POM121: variants seen among roughly 807,000 people sequenced by gnomAD.
POM121 encodes the protein POM121 transmembrane nucleoporin.
POM121 carries 32 observed loss-of-function variants against 81.3 expected under a neutral mutation model. The ratio of observed to expected loss-of-function variants is 0.39; its 90% CI spans 0.30 to 0.53. The LOEUF is 0.53. POM121 is among the 20% of genes least tolerant of loss of function. POM121 has a pLI of 0.66. For synonymous variants in POM121, 514 were observed against 694.2 expected (o/e 0.74, Z 4.08); for missense variants, 1,138 against 1,614.6 (o/e 0.70, Z 5.06).
In POM121 at chr7:72,939,373, C is replaced by G. The variant is rs1796837708; in HGVS notation, c.1405C>G (p.Pro469Ala). 3 of 1,613,920 alleles carry G rather than the reference C, an allele frequency of 1.9e-6. No individual in the cohort carries two copies. The highest frequency in any genetic ancestry group is 8.5e-7 in the Non-Finnish European group (1 of 1,179,856). ...GTGTCATCATTCCAGTTCTTCAACT[C>G]CATTGGCAGCAGACAGGGAGTCCCA... Reference protein sequence around the residue: ...ELCHHSSSSTPLAADRESQGE... With the variant: ...ELCHHSSSSTALAADRESQGE... Residue 469 changes from proline (P) to alanine (A), a missense_variant, in exon 7 of 13, where the codon CCA becomes GCA. This residue lies in a region of POM121 where 646 missense variants were observed against 633.5 expected (regional missense o/e 1.02). Transcript: ENST00000434423.
intron 3 of POM121, among the ~76,000 whole-genome samples, chr7:72,911,452 C>T (rs1208768839): frequency 1.3e-5 from 2 of 152,322 alleles, no homozygotes. Context: ...ATTTTGCTTC[C>T]GTGTGATGAA....
chr7:72,918,988 A>G (rs1794551157), intron 4 of POM121, among the ~76,000 whole-genome samples: 1 of 151,992 alleles, frequency 6.6e-6, no homozygotes, highest in South Asian at 2.1e-4. Context: ...TTTGGTAGAG[A>G]CAGGGTTTCA....
At chr7:72,949,778 G>T, downstream of POM121, 2 of 938,710 alleles carry the variant, frequency 2.1e-6, no homozygotes, top group Non-Finnish European at 1.8e-6. Context: ...CATCCTTTCA[G>T]CCTTCATTAC....
chr7:72,948,138 G>A lies in POM121; in HGVS notation c.*1904G>A, dbSNP rs1232544988. The A allele has an allele frequency of 7.1e-7, 1 of 1,413,756 alleles. No individual in the cohort carries two copies. The highest frequency in any genetic ancestry group is 1.5e-5 in the African/African-American group (1 of 68,686). 87.6% of individuals were successfully genotyped at this position (1,413,756 alleles called of 1,614,324 possible). On this transcript the variant is annotated 3_prime_UTR_variant, in exon 13 of 13. Coordinates refer to ENST00000434423, the MANE Select transcript of POM121 (RefSeq NM_001387691.1). The stretch of plus-strand genomic sequence containing the variant: ...CCGGGAACCCTGAGTGAGAATGAGT[G>A]TGGATGTGTACAGTACACGCACTGG...
chr7:72,928,279 T>A, intron 3 of POM121, 106 bp from the exon 4 acceptor site: 2 of 1,447,802 alleles, frequency 1.4e-6, no homozygotes, highest in Non-Finnish European at 1.9e-6. Flanking sequence ...TATCATGGAA[T>A]CTGTGCTCCA....
At chr7:72,883,978 T>C (rs1790422598) in intron 1 of POM121, among the ~76,000 whole-genome samples, 1 of 152,120 alleles carries the variant, frequency 6.6e-6, no homozygotes, top group Non-Finnish European at 1.5e-5. Context: ...CATTTATGGC[T>C]CACTGCAGCC....
intron 3 of POM121, among the ~76,000 whole-genome samples, chr7:72,901,121 G>A (rs1302579988): frequency 2.0e-5 from 3 of 151,486 alleles, no homozygotes; most frequent in Non-Finnish European, 4.4e-5. Context: ...AAATACTTGG[G>A]ACTACAGGTA....
At chr7:72,917,992 CAA>C (rs1411722112) in intron 4 of POM121, among the ~76,000 whole-genome samples, 7 of 152,072 alleles carry the variant, frequency 4.6e-5, no homozygotes, top group Admixed American at 4.6e-4. Flanking sequence ...AGAGAGGAGA[CAA>C]AGAGAAAGAT....
intron 1 of POM121, among the ~76,000 whole-genome samples, chr7:72,880,175 C>G (rs1554489074): frequency 6.6e-6 from 1 of 152,200 alleles, no homozygotes; most frequent in Non-Finnish European, 1.5e-5. Context: ...CTCCAGATTT[C>G]GACCGCCTCT....
intron 1 of POM121, among the ~76,000 whole-genome samples, chr7:72,888,711 C>T (rs1190965978): frequency 1.4e-5 from 2 of 140,272 alleles, no homozygotes; most frequent in African/African-American, 6.2e-5. Flanking sequence ...TGTATACACA[C>T]AAACTGTATA....
intron 3 of POM121, among the ~76,000 whole-genome samples, chr7:72,912,124 C>T (rs1361300122): frequency 1.3e-5 from 2 of 152,172 alleles, no homozygotes; most frequent in Non-Finnish European, 2.9e-5. Flanking sequence ...AACTCTTGGG[C>T]TCAAGCAGTC....
At chr7:72,918,882 C>G (rs1391546321) in intron 4 of POM121, among the ~76,000 whole-genome samples, 7 of 152,038 alleles carry the variant, frequency 4.6e-5, no homozygotes, top group Admixed American at 3.3e-4. Flanking sequence ...ACTGCAACCT[C>G]CACCTTCCGG....
chr7:72,909,798 C>T (rs1486887066), intron 3 of POM121, among the ~76,000 whole-genome samples: 7 of 152,212 alleles, frequency 4.6e-5, no homozygotes, highest in African/African-American at 1.7e-4. Flanking sequence ...GCGGTACACA[C>T]TACCATGCCC....
At chr7:72,928,856 T>TCCTAA (rs1394558431) in intron 4 of POM121, among the ~76,000 whole-genome samples, 12 of 152,330 alleles carry the variant, frequency 7.9e-5, no homozygotes, top group Middle Eastern at 3.4e-3. Context: ...CAAAAGTATG[T>TCCTAA]GTGGAAAGAC....
intron 5 of POM121, among the ~76,000 whole-genome samples, chr7:72,932,907 C>T (rs1345720055): frequency 4.6e-5 from 7 of 151,640 alleles, no homozygotes; most frequent in Non-Finnish European, 7.4e-5. Flanking sequence ...TAAAAATTAG[C>T]TGGGCATGGT....
intron 1 of POM121, among the ~76,000 whole-genome samples, chr7:72,884,732 C>T (rs1790536374): frequency 6.7e-6 from 1 of 148,908 alleles, no homozygotes; most frequent in African/African-American, 2.4e-5. Flanking sequence ...CATTTATATG[C>T]CTATATACGT....
rs782364113 is a variant in POM121 at position 72,925,589 on chromosome 7, G to T, written c.468G>T (p.Gln156His). The T allele has an allele frequency of 1.8e-5, 28 of 1,529,410 alleles. No homozygotes were observed. The highest frequency in any genetic ancestry group is 2.6e-6 in the Non-Finnish European group (3 of 1,144,756). The allele number at this position is 1,529,410 out of a possible 1,614,324, so 94.7% of individuals were successfully genotyped here. ...PPQPAAAPEG[Q>H]DLRDRPGRRP... ...AGCCCGCCGCCGCTCCGGAGGGCCA[G>T]GACCTGCGGGATAGGCCTGGCCGCC... The change falls in exon 1 of 13, where the codon CAG (glutamine) becomes CAT (histidine). Residue 156 changes from glutamine (Q) to histidine (H), a missense_variant. Physicochemically the swap from Gln to His is conservative, Grantham distance 24. Coordinates refer to ENST00000434423, the MANE Select transcript of POM121 (RefSeq NM_001387691.1).
intron 3 of POM121, among the ~76,000 whole-genome samples, chr7:72,899,559 G>A (rs1792355314): frequency 6.6e-6 from 1 of 150,952 alleles, no homozygotes; most frequent in Admixed American, 6.6e-5. Context: ...GATTTATTCT[G>A]CCTGCTTGAT....
intron 3 of POM121, among the ~76,000 whole-genome samples, chr7:72,910,021 G>A (rs1468374899): frequency 6.6e-6 from 1 of 152,154 alleles, no homozygotes; most frequent in South Asian, 2.1e-4. Context: ...TGTTGATCCT[G>A]GTTGTTTTCA....
Sources: gnomAD v4.1 joint callset for allele counts (sites outside exome capture counted in the v4.1 genomes callset) on GRCh38, gnomAD v4.1.1 for gene constraint, gnomAD v4.1.1 regional missense constraint, MANE v1.5 for transcripts, NCBI Gene and HGNC (gene_info 2026-07-23, HGNC 2026-07-21) for gene names.